CD38: variants seen among roughly 807,000 people sequenced by gnomAD.
The protein encoded by CD38 is ADP-ribosyl cyclase/cyclic ADP-ribose hydrolase 1.
A neutral mutation model predicts 36.3 loss-of-function variants in CD38; 31 were observed. The observed-to-expected ratio is 0.85, with a 90% CI of 0.64 to 1.15. CD38 has a LOEUF of 1.15. Among genes scored for constraint, CD38 ranks in the 50% most tolerant of loss-of-function variants. The pLI is 0.00. For missense variants in CD38, 380 were observed against 371.9 expected (o/e 1.02, Z -0.18); for synonymous variants, 131 against 135.2 (o/e 0.97, Z 0.22).
chr4:15,801,796 C>T (rs1210936575), intron 1 of CD38, among the ~76,000 whole-genome samples: 1 of 152,110 alleles, frequency 6.6e-6, no homozygotes, highest in East Asian at 1.9e-4. Flanking sequence ...GAACACACTT[C>T]ATCTTAATAA....
At chr4:15,841,121 T>A (rs1267913716) in intron 7 of CD38, among the ~76,000 whole-genome samples, 1 of 152,214 alleles carries the variant, frequency 6.6e-6, no homozygotes, top group Admixed American at 6.5e-5. Flanking sequence ...AGATATATAT[T>A]TTTTAAAGTC....
chr4:15,790,345 G>A (rs1306288553), intron 1 of CD38, among the ~76,000 whole-genome samples: 4 of 134,386 alleles, frequency 3.0e-5, no homozygotes, highest in South Asian at 5.0e-4. Context: ...ACTGGTTTTC[G>A]TTTTTTTTTT....
At chr4:15,817,856 C>T (rs1723634922) in intron 2 of CD38, among the ~76,000 whole-genome samples, 1 of 152,144 alleles carries the variant, frequency 6.6e-6, no homozygotes, top group Non-Finnish European at 1.5e-5. Flanking sequence ...TTCTGCATTT[C>T]CATCTGAGAT....
chr4:15,805,055 T>C (rs1723312535), intron 1 of CD38, among the ~76,000 whole-genome samples: 1 of 152,188 alleles, frequency 6.6e-6, no homozygotes. Flanking sequence ...TACATGTCAT[T>C]TAAAAGTGAT....
chr4:15,798,858 G>T (rs1723155756), intron 1 of CD38, among the ~76,000 whole-genome samples: 1 of 151,952 alleles, frequency 6.6e-6, no homozygotes, highest in Non-Finnish European at 1.5e-5. Flanking sequence ...GGTTTCTTCT[G>T]TGAAAAGCCT....
chr4:15,797,138 C>T (rs957483322), intron 1 of CD38, among the ~76,000 whole-genome samples: 1 of 152,098 alleles, frequency 6.6e-6, no homozygotes, highest in East Asian at 1.9e-4. Context: ...CTGATTTTTG[C>T]TGGTCTGATA....
intron 1 of CD38, 73 bp from the exon 2 acceptor site, chr4:15,816,425 TAAATAAGATTCTA>T: frequency 8.5e-7 from 1 of 1,177,454 alleles, no homozygotes; most frequent in Non-Finnish European, 1.2e-6. Flanking sequence ...AGATGCTTCC[TAAATAAGATTCTA>T]AAAAATAATT....
At chr4:15,806,822 C>A (rs533678121) in intron 1 of CD38, among the ~76,000 whole-genome samples, 1 of 152,110 alleles carries the variant, frequency 6.6e-6, no homozygotes, top group African/African-American at 2.4e-5. Context: ...TCACCGTTTG[C>A]GGAGGTGAGC....
At chr4:15,823,871 C>T (rs747287313) in intron 2 of CD38, among the ~76,000 whole-genome samples, 10 of 152,096 alleles carry the variant, frequency 6.6e-5, no homozygotes, top group African/African-American at 9.7e-5. Flanking sequence ...ATTGCAGTGC[C>T]ATTCACAATA....
chr4:15,829,992 T>C (rs1052811077), intron 3 of CD38, among the ~76,000 whole-genome samples: 6 of 152,240 alleles, frequency 3.9e-5, no homozygotes, highest in African/African-American at 9.6e-5. Flanking sequence ...CATTTATCTA[T>C]TGATGGACAT....
At chr4:15,832,152 T>G (rs1339502645) in intron 3 of CD38, among the ~76,000 whole-genome samples, 1 of 152,214 alleles carries the variant, frequency 6.6e-6, no homozygotes, top group African/African-American at 2.4e-5. Flanking sequence ...TTTTAATTAT[T>G]TCCATCTCTT....
chr4:15,780,530 A>ACACACACACACACACACACACACACACG (rs1560303821), intron 1 of CD38, among the ~76,000 whole-genome samples: 9 of 36,938 alleles, frequency 2.4e-4, no homozygotes, highest in African/African-American at 1.5e-3. Context: ...ACACACACAC[A>ACACACACACACACACACACACACACACG]CACACACACA....
intron 1 of CD38, among the ~76,000 whole-genome samples, chr4:15,781,785 T>C (rs1201569967): frequency 6.6e-6 from 1 of 152,266 alleles, no homozygotes; most frequent in Non-Finnish European, 1.5e-5. Context: ...ATCACGTACA[T>C]GTTTTAAGGT....
At chr4:15,840,227 C>A in intron 6 of CD38, 109 bp downstream of exon 6, 1 of 796,540 alleles carries the variant, frequency 1.3e-6, no homozygotes. Flanking sequence ...AATGAAACTA[C>A]ATGAATGTGC....
At chr4:15,803,444 A>AT (rs1278037797) in intron 1 of CD38, among the ~76,000 whole-genome samples, 1 of 152,188 alleles carries the variant, frequency 6.6e-6, no homozygotes, top group African/African-American at 2.4e-5. Context: ...AAATAATCTG[A>AT]TTTTTAAAAT....
chr4:15,852,734 G>C lies in CD38; in HGVS notation c.*4132G>C, dbSNP rs1724414757. ...GCTGAGAGGTGCTGCCCAGAGAAGT[G>C]GTGATTAGCTTGGCCTTAGCTCACC... On this transcript the variant is annotated 3_prime_UTR_variant, in exon 8 of 8. Coordinates refer to ENST00000226279, the MANE Select transcript of CD38 (RefSeq NM_001775.4). 1 of 151,756 alleles carries C rather than the reference G, an allele frequency of 6.6e-6. No individual in the cohort carries two copies. Among genetic ancestry groups the C allele is most frequent in the South Asian group, 2.1e-4 (1 of 4,800 alleles). The allele number at this position is 151,756 out of a possible 1,614,324, so 9.4% of individuals were successfully genotyped here.
At chr4:15,791,610 C>T (rs1378154331) in intron 1 of CD38, among the ~76,000 whole-genome samples, 375 of 63,332 alleles carry the variant, frequency 5.9e-3, no homozygotes, top group Non-Finnish European at 7.1e-3. Context: ...CCAGCCGCCC[C>T]GTCCGGGAGG....
intron 3 of CD38, chr4:15,826,045 G>C (rs1723837468): frequency 6.7e-6 from 1 of 150,010 alleles, no homozygotes; most frequent in Non-Finnish European, 1.5e-5. Context: ...GTTTTTAAAA[G>C]CTTATCTTAT....
In CD38 at chr4:15,789,439, G is replaced by A. The variant is rs181586431; in HGVS notation, c.233+10792G>A. Among the ~76,000 whole-genome samples the A allele has an allele frequency of 3.3e-5, 5 of 152,222 alleles. No homozygotes were observed. In the East Asian group the frequency reaches 9.7e-4, roughly 29 times the overall value. ...TTCAAAGAACATCTTGAGGCACCGA[G>A]TACATTTAAAAGTGGTTAGTTTCTC... On this transcript the variant is annotated intron_variant, in intron 1 of 7. Coordinates refer to ENST00000226279, the MANE Select transcript of CD38 (RefSeq NM_001775.4).
Sources: allele counts gnomAD v4.1 joint callset (sites outside exome capture counted in the v4.1 genomes callset), GRCh38; gene constraint gnomAD v4.1.1; transcripts MANE v1.5; gene names NCBI Gene and HGNC (gene_info 2026-07-23, HGNC 2026-07-21).